The following ASMTL variants were observed in gnomAD, a reference collection of about 807,000 sequenced individuals.
ASMTL encodes probable bifunctional dTTP/UTP pyrophosphatase/methyltransferase protein.
ASMTL carries 57 observed loss-of-function variants against 60.3 expected under a neutral mutation model. That is an observed-to-expected ratio of 0.95 (90% CI 0.76 to 1.18). ASMTL has a LOEUF of 1.18. Among genes scored for constraint, ASMTL ranks in the 50% most tolerant of loss-of-function variants. The probability of loss-of-function intolerance (pLI) is 0.00; values close to 1 mark genes in which losing one functional copy is unlikely to be tolerated. For missense variants in ASMTL, 981 were observed against 852.6 expected (o/e 1.15, Z -1.88); for synonymous variants, 419 against 373.0 (o/e 1.12, Z -1.42).
At chrX:1,450,453 T>C (rs1462336008) in intron 1 of ASMTL, among the ~76,000 whole-genome samples, 1 of 131,776 alleles carries the variant, frequency 7.6e-6, no homozygotes, top group Non-Finnish European at 1.6e-5. Context: ...CCCGGGTTAC[T>C]CTCCCCTCCC....
At chrX:1,434,355 T>G (rs1451383899) in intron 5 of ASMTL, among the ~76,000 whole-genome samples, 3 of 151,702 alleles carry the variant, frequency 2.0e-5, no homozygotes, top group Non-Finnish European at 2.9e-5. Flanking sequence ...CCAGGTGTGG[T>G]GGCGTGTGCC....
At chrX:1,435,207 C>T in intron 4 of ASMTL, 124 bp from the exon 5 acceptor site, 8 of 1,028,324 alleles carry the variant, frequency 7.8e-6, no homozygotes, top group Non-Finnish European at 1.2e-5. Flanking sequence ...CCAGCATCTT[C>T]TCCCCGATCG....
chrX:1,411,223 A>G (rs1360773805), intron 12 of ASMTL, among the ~76,000 whole-genome samples: 1 of 41,634 alleles, frequency 2.4e-5, no homozygotes, highest in Non-Finnish European at 5.0e-5. Flanking sequence ...GAAAGAGAGA[A>G]AGAAGGAGAG....
intron 10 of ASMTL, 130 bp downstream of exon 10, chrX:1,418,852 G>T: frequency 8.3e-7 from 1 of 1,199,726 alleles, no homozygotes; most frequent in Non-Finnish European, 1.2e-6. Context: ...CTGGGACTCA[G>T]CCTGGCCCGG....
At chrX:1,436,995 TG>T (rs1332818150) in intron 3 of ASMTL, among the ~76,000 whole-genome samples, 2 of 152,098 alleles carry the variant, frequency 1.3e-5, no homozygotes, top group Non-Finnish European at 2.9e-5. Flanking sequence ...GCCTCTCTCC[TG>T]GGCTTGGAGA....
At chrX:1,422,653 C>T (rs1201172755) in intron 8 of ASMTL, among the ~76,000 whole-genome samples, 9 of 152,070 alleles carry the variant, frequency 5.9e-5, no homozygotes, top group South Asian at 2.1e-4. Flanking sequence ...CAGATGGCCT[C>T]GCACCACTCC....
At chrX:1,419,199 T>C in intron 9 of ASMTL, 85 bp from the exon 10 acceptor site, 2 of 1,523,260 alleles carry the variant, frequency 1.3e-6, no homozygotes, top group Non-Finnish European at 8.9e-7. Flanking sequence ...GGGGGAGAAG[T>C]GCAGGGCTCC....
chrX:1,431,747 T>C (rs1376049700), intron 6 of ASMTL, among the ~76,000 whole-genome samples: 1 of 150,850 alleles, frequency 6.6e-6, no homozygotes, highest in Non-Finnish European at 1.5e-5. Context: ...TTATATAATG[T>C]ATAATTATGT....
At chrX:1,432,754 G>A (rs192625012) in intron 5 of ASMTL, among the ~76,000 whole-genome samples, 3,874 of 99,864 alleles carry the variant, frequency 0.039, 23 homozygotes, top group East Asian at 0.12. Context: ...GCTTGAACCC[G>A]GGAGGTGCAG....
intron 2 of ASMTL, among the ~76,000 whole-genome samples, chrX:1,439,604 T>G (rs1385686799): frequency 6.6e-6 from 1 of 152,080 alleles, no homozygotes; most frequent in African/African-American, 2.4e-5. Context: ...CCCAGCACTC[T>G]GGGAGGCCGA....
In ASMTL at chrX:1,403,187, C is replaced by G. The variant is rs765536018; in HGVS notation, c.*82G>C. 150 of 1,142,878 alleles carry G rather than the reference C, an allele frequency of 1.3e-4. 1 individual carries two copies. The South Asian group carries it at 1.9e-3, about 14-fold the overall frequency. 70.8% of individuals were successfully genotyped at this position (1,142,878 alleles called of 1,614,324 possible). On this transcript the variant is annotated 3_prime_UTR_variant, in exon 13 of 13. Coordinates refer to ENST00000381317, the MANE Select transcript of ASMTL (RefSeq NM_004192.4). ...GTCACGACTACACGCTCCTATGTGA[C>G]TGTCCTATGGTACTTGGGGACCGGG...
Position 1,421,679 on chromosome X carries a change from C to T in ASMTL, c.1224G>A (p.Lys408=). The change falls in exon 9 of 13, where the codon AAG becomes AAA. Residue 408 remains lysine (K), a synonymous_variant. Coordinates refer to ENST00000381317, the MANE Select transcript of ASMTL (RefSeq NM_004192.4). ...GTNQHHRALG[K]KAEDLFQDAY... The stretch of plus-strand genomic sequence containing the variant: ...CTACCTGGAACAGATCTTCCGCCTT[C>T]TTCCCCAACGCCCTGTGGTGCTGGT... 3 of 1,613,936 alleles carry T rather than the reference C, an allele frequency of 1.9e-6. No individual in the cohort carries two copies. Among genetic ancestry groups the T allele is most frequent in the Non-Finnish European group, 2.5e-6 (3 of 1,179,850 alleles).
intron 1 of ASMTL, among the ~76,000 whole-genome samples, chrX:1,444,412 T>C (rs1182733142): frequency 6.6e-6 from 1 of 152,146 alleles, no homozygotes; most frequent in Non-Finnish European, 1.5e-5. Context: ...TTTCACCATG[T>C]TGGTCAGGCT....
intron 1 of ASMTL, among the ~76,000 whole-genome samples, chrX:1,451,703 C>T (rs1409782413): frequency 3.3e-5 from 5 of 149,726 alleles, no homozygotes; most frequent in Non-Finnish European, 7.4e-5. Context: ...TCCTCTCCCC[C>T]ATCCCTAGGG....
rs777105565 is a variant in ASMTL at position 1,419,038 on chromosome X, C to T, written c.1322G>A (p.Cys441Tyr). 2.5e-6 allele frequency: 4 copies of T among 1,611,500 alleles called. No individual in the cohort carries two copies. The highest frequency in any genetic ancestry group is 1.3e-5 in the African/African-American group (1 of 74,874). ...AMHGMTKLTA[C>Y]QVATAFNLSR... ...CAGATTGAAGGCCGTGGCCACCTGG[C>T]ACGCAGTCAGCTTCGTCATGCCGTG... Residue 441 changes from cysteine (C) to tyrosine (Y), a missense_variant, in exon 10 of 13, where the codon TGC becomes TAC. Transcript: ENST00000381317.
intron 1 of ASMTL, among the ~76,000 whole-genome samples, chrX:1,451,998 T>A (rs765618053): frequency 2.4e-5 from 3 of 127,330 alleles, no homozygotes; most frequent in Non-Finnish European, 3.3e-5. Flanking sequence ...CGCTAGGGGG[T>A]CCCAGGTTAC....
chrX:1,428,338 A>G (rs1467415505), intron 6 of ASMTL, among the ~76,000 whole-genome samples: 1 of 151,244 alleles, frequency 6.6e-6, no homozygotes, highest in Non-Finnish European at 1.5e-5. Flanking sequence ...AAAAAAAAAA[A>G]AGAAAAACAA....
At chrX:1,448,598 C>T (rs776969093) in intron 1 of ASMTL, among the ~76,000 whole-genome samples, 22 of 150,906 alleles carry the variant, frequency 1.5e-4, no homozygotes, top group African/African-American at 2.9e-4. Context: ...TGGACACACA[C>T]GGCCATCTTG....
intron 12 of ASMTL, among the ~76,000 whole-genome samples, chrX:1,410,848 C>G (rs1254265067): frequency 1.3e-5 from 2 of 151,756 alleles, no homozygotes; most frequent in Admixed American, 1.3e-4. Flanking sequence ...TGTGACTGCT[C>G]CACTGCACAC....
Sources: gnomAD v4.1 joint callset for allele counts (sites outside exome capture counted in the v4.1 genomes callset) on GRCh38, gnomAD v4.1.1 for gene constraint, MANE v1.5 for transcripts, NCBI Gene and HGNC (gene_info 2026-07-23, HGNC 2026-07-21) for gene names.